BICD1: variants seen among roughly 807,000 people sequenced by gnomAD.
BICD1 encodes the protein BICD cargo adaptor 1.
A neutral mutation model predicts 92.5 loss-of-function variants in BICD1; 35 were observed. The observed-to-expected ratio is 0.38, with a 90% CI of 0.29 to 0.50. The LOEUF (loss-of-function observed/expected upper bound fraction) is 0.50. BICD1 is among the 20% of genes least tolerant of loss of function. BICD1 has a pLI of 0.93. For synonymous variants in BICD1, 429 were observed against 465.1 expected (o/e 0.92, Z 1.00); for missense variants, 950 against 1,189.8 (o/e 0.80, Z 2.97).
At chr12:32,345,044 C>A (rs1184264914) in intron 8 of BICD1, among the ~76,000 whole-genome samples, 1 of 152,076 alleles carries the variant, frequency 6.6e-6, no homozygotes, top group Non-Finnish European at 1.5e-5. Flanking sequence ...CCCAGCACTT[C>A]GGGAGGCCAA....
chr12:32,190,988 A>G (rs559614825), intron 1 of BICD1, among the ~76,000 whole-genome samples: 1 of 152,350 alleles, frequency 6.6e-6, no homozygotes, highest in South Asian at 2.1e-4. Context: ...CTGAACAACT[A>G]CTTGGTTGAA....
intron 1 of BICD1, among the ~76,000 whole-genome samples, chr12:32,116,303 A>G (rs1047484666): frequency 6.6e-6 from 1 of 152,074 alleles, no homozygotes; most frequent in Non-Finnish European, 1.5e-5. Flanking sequence ...GCCTAGTTGC[A>G]GTAATTTTCA....
At position 32,249,728 on chromosome 12, in the gene BICD1, TAGC is replaced by T. The variant is rs1946479931; in HGVS notation, c.426+33275_426+33277del. Among the ~76,000 whole-genome samples the T allele has an allele frequency of 2.0e-5, 3 of 151,912 alleles. No homozygotes were observed. The South Asian group carries it at 6.3e-4, about 32-fold the overall frequency. On this transcript the variant is annotated intron_variant, in intron 2 of 9. Coordinates refer to ENST00000652176, the MANE Select transcript of BICD1 (RefSeq NM_001714.4). ...GTATTTTAAAATGTATTTCGTTAAT[TAGC>T]AGCAGTATGCCAAAGTTGTTCCATT...
intron 1 of BICD1, among the ~76,000 whole-genome samples, chr12:32,168,911 G>A (rs932012834): frequency 2.6e-5 from 4 of 152,066 alleles, no homozygotes; most frequent in Non-Finnish European, 5.9e-5. Context: ...GCATTGAGCC[G>A]AGATCGCGCG....
intron 1 of BICD1, among the ~76,000 whole-genome samples, chr12:32,180,584 C>T (rs1208396097): frequency 6.6e-6 from 1 of 151,934 alleles, no homozygotes; most frequent in African/African-American, 2.4e-5. Flanking sequence ...GCATGGCTCC[C>T]TTAAAGAGTC....
At chr12:32,307,236 T>C (rs149511355) in intron 4 of BICD1, among the ~76,000 whole-genome samples, 38 of 152,264 alleles carry the variant, frequency 2.5e-4, no homozygotes, top group African/African-American at 7.9e-4. Context: ...TTATCCAGGA[T>C]ACCGTATGAT....
intron 2 of BICD1, among the ~76,000 whole-genome samples, chr12:32,240,632 G>A (rs1303578887): frequency 1.3e-5 from 2 of 152,110 alleles, no homozygotes; most frequent in Non-Finnish European, 2.9e-5. Flanking sequence ...AATCGTATCT[G>A]CAAAGCTTGT....
At chr12:32,265,305 C>T (rs1219138829) in intron 2 of BICD1, among the ~76,000 whole-genome samples, 1 of 152,108 alleles carries the variant, frequency 6.6e-6, no homozygotes. Flanking sequence ...TCCTTTCTTA[C>T]TTCATCATGG....
intron 1 of BICD1, among the ~76,000 whole-genome samples, chr12:32,137,069 G>GT (rs915173649): frequency 6.6e-6 from 1 of 151,976 alleles, no homozygotes; most frequent in Non-Finnish European, 1.5e-5. Context: ...TTTAAGTTAG[G>GT]TTTTTTTGTT....
intron 1 of BICD1, chr12:32,107,956 GGA>G: frequency 2.0e-6 from 1 of 491,252 alleles, no homozygotes; most frequent in Non-Finnish European, 3.7e-6. Flanking sequence ...CACAATTTCA[GGA>G]TTTAGACTGT....
intron 1 of BICD1, among the ~76,000 whole-genome samples, chr12:32,182,634 C>T (rs1944309823): frequency 6.6e-6 from 1 of 151,716 alleles, no homozygotes; most frequent in South Asian, 2.1e-4. Flanking sequence ...AGATGATTCA[C>T]TTCCAGAGAA....
At chr12:32,325,411 A>G (rs1046997283) in intron 4 of BICD1, among the ~76,000 whole-genome samples, 1 of 152,166 alleles carries the variant, frequency 6.6e-6, no homozygotes, top group Non-Finnish European at 1.5e-5. Context: ...GGCAGCAAAG[A>G]TTGTGCGTTA....
intron 1 of BICD1, among the ~76,000 whole-genome samples, chr12:32,153,351 A>G (rs746661828): frequency 2.0e-5 from 3 of 152,112 alleles, no homozygotes; most frequent in African/African-American, 4.8e-5. Flanking sequence ...TGTCTTTGCT[A>G]TTGTGAATAG....
rs201543635 is a variant in BICD1, at chr12:32,377,856, T to A, written c.*229T>A. The A allele has an allele frequency of 4.4e-6, 2 of 455,442 alleles. No individual in the cohort carries two copies. The highest frequency in any genetic ancestry group is 2.0e-5 in the African/African-American group (1 of 51,136). 28.2% of individuals were successfully genotyped at this position (455,442 alleles called of 1,614,324 possible). A position where few individuals can be genotyped will look rare whatever the true frequency, so the allele number is the denominator to read the frequency against. On this transcript the variant is annotated 3_prime_UTR_variant, in exon 10 of 10. Transcript: ENST00000652176. ...TCACAGATAAACTTCTGCCATCAAA[T>A]GGCTACAGTTCATTTAAATTTAAAA... is the stretch of plus-strand genomic sequence containing the variant.
At chr12:32,215,044 C>T (rs1945311858) in intron 1 of BICD1, among the ~76,000 whole-genome samples, 1 of 152,146 alleles carries the variant, frequency 6.6e-6, no homozygotes, top group Admixed American at 6.5e-5. Flanking sequence ...GCCTGGCCAA[C>T]AAGGTGAAAC....
intron 2 of BICD1, among the ~76,000 whole-genome samples, chr12:32,256,505 AC>A (rs542699742): frequency 9.4e-4 from 143 of 152,332 alleles, no homozygotes; most frequent in African/African-American, 3.3e-3. Flanking sequence ...GCTGAGATTT[AC>A]CCAGTTTTGT....
At chr12:32,371,960 AAC>A (rs1939754996) in intron 9 of BICD1, among the ~76,000 whole-genome samples, 1 of 152,198 alleles carries the variant, frequency 6.6e-6, no homozygotes, top group South Asian at 2.1e-4. Context: ...ACATATCCTG[AAC>A]ACAACTGAGC....
chr12:32,339,189 C>A, intron 8 of BICD1: 2 of 1,284,282 alleles, frequency 1.6e-6, no homozygotes, highest in Non-Finnish European at 2.0e-6. Flanking sequence ...CATTTAACAG[C>A]CAAAGATGGC....
At chr12:32,159,172 G>T (rs1943528492) in intron 1 of BICD1, among the ~76,000 whole-genome samples, 1 of 152,104 alleles carries the variant, frequency 6.6e-6, no homozygotes, top group East Asian at 1.9e-4. Flanking sequence ...GACCTCATGT[G>T]ATCCACCCAC....
Sources: gnomAD v4.1 joint callset for allele counts (sites outside exome capture counted in the v4.1 genomes callset) on GRCh38, gnomAD v4.1.1 for gene constraint, MANE v1.5 for transcripts, NCBI Gene and HGNC (gene_info 2026-07-23, HGNC 2026-07-21) for gene names.